Variants in CNTN4 observed in about 807,000 individuals in gnomAD.
CNTN4 encodes the protein contactin-4.
Under a neutral mutation model 122.5 loss-of-function variants are expected in CNTN4, and 77 were observed. The observed-to-expected ratio is 0.63, with a 90% confidence interval of 0.52 to 0.76. The LOEUF (loss-of-function observed/expected upper bound fraction) is 0.76. Ranked by LOEUF, CNTN4 falls within the 30% of genes least tolerant of loss-of-function variation. The probability of loss-of-function intolerance (pLI) is 0.00; values close to 1 mark genes in which losing one functional copy is unlikely to be tolerated. For missense variants in CNTN4, 1,256 were observed against 1,259.1 expected, an observed-to-expected ratio of 1.00 and a Z score of 0.04; for synonymous variants, 512 against 447.0, an observed-to-expected ratio of 1.15 and a Z score of -1.83.
chr3:2,255,550 C>T (rs2040549803), intron 2 of CNTN4, among the ~76,000 whole-genome samples: 1 of 152,122 alleles, frequency 6.6e-6, no homozygotes, highest in Non-Finnish European at 1.5e-5. Flanking sequence ...TAAAACTCTA[C>T]TCAGCAAATG....
chr3:2,601,256 T>G (rs1258436436), intron 4 of CNTN4, among the ~76,000 whole-genome samples: 1 of 152,230 alleles, frequency 6.6e-6, no homozygotes, highest in African/African-American at 2.4e-5. Flanking sequence ...TTTTGGTGTT[T>G]TAGTCATAAA....
At chr3:2,343,112 T>G (rs1226356821) in intron 3 of CNTN4, among the ~76,000 whole-genome samples, 1 of 152,164 alleles carries the variant, frequency 6.6e-6, no homozygotes, top group Admixed American at 6.5e-5. Flanking sequence ...GAAATATATG[T>G]TTTAGGAAGA....
At chr3:2,146,615 G>C (rs1234396953) in intron 2 of CNTN4, among the ~76,000 whole-genome samples, 1 of 151,994 alleles carries the variant, frequency 6.6e-6, no homozygotes, top group East Asian at 1.9e-4. Context: ...TCACAGTATT[G>C]ATTTCATAAC....
At chr3:2,182,334 A>T (rs977901064) in intron 2 of CNTN4, among the ~76,000 whole-genome samples, 2 of 152,076 alleles carry the variant, frequency 1.3e-5, no homozygotes, top group Admixed American at 1.3e-4. Flanking sequence ...ATATCCAAAA[A>T]AAGATTCTCA....
chr3:2,638,003 A>G (rs1283771626), intron 4 of CNTN4, among the ~76,000 whole-genome samples: 1 of 152,198 alleles, frequency 6.6e-6, no homozygotes, highest in African/African-American at 2.4e-5. Flanking sequence ...CTTCATTTAT[A>G]AATTGTACCT....
At chr3:2,242,111 A>G (rs1412496048) in intron 2 of CNTN4, among the ~76,000 whole-genome samples, 2 of 152,214 alleles carry the variant, frequency 1.3e-5, no homozygotes, top group African/African-American at 4.8e-5. Flanking sequence ...TTTAAAATAC[A>G]TTAAATGCAT....
At chr3:2,508,081 A>G (rs1234458109) in intron 3 of CNTN4, among the ~76,000 whole-genome samples, 1 of 152,166 alleles carries the variant, frequency 6.6e-6, no homozygotes, top group Admixed American at 6.5e-5. Context: ...TCTCTGGGTC[A>G]TTGTTATTAG....
intron 3 of CNTN4, among the ~76,000 whole-genome samples, chr3:2,449,396 C>T (rs2048741055): frequency 6.6e-6 from 1 of 152,090 alleles, no homozygotes; most frequent in African/African-American, 2.4e-5. Context: ...GGGTGCGTCA[C>T]CTGAAGTCAG....
intron 24 of CNTN4, among the ~76,000 whole-genome samples, chr3:3,055,352 G>T (rs1422544575): frequency 6.6e-6 from 1 of 152,046 alleles, no homozygotes; most frequent in Non-Finnish European, 1.5e-5. Context: ...ATGATTCCTG[G>T]TTTTATTCAT....
chr3:2,654,497 C>A (rs372682468), intron 4 of CNTN4, among the ~76,000 whole-genome samples: 8 of 151,970 alleles, frequency 5.3e-5, no homozygotes, highest in Admixed American at 5.2e-4. Flanking sequence ...TTTTATATAC[C>A]GTGTTTCTCT....
rs1283324150 is a variant in CNTN4, at chr3:2,973,120, C to G, written c.1359-15225C>G. On this transcript the variant is annotated intron_variant, in intron 13 of 24. Transcript: ENST00000418658. ...ATGGTTTGTCTGAAAAGAATAAAGG[C>G]TCTTCGTTGAAATGAAATCGCTTTC... Among the ~76,000 whole-genome samples, 3 of 152,026 alleles carry G rather than the reference C, an allele frequency of 2.0e-5. No homozygotes were observed. The East Asian group carries it at 5.8e-4, about 29-fold the overall frequency.
chr3:3,034,922 C>A, intron 17 of CNTN4, 132 bp downstream of exon 17: 1 of 973,062 alleles, frequency 1.0e-6, no homozygotes, highest in Non-Finnish European at 1.6e-6. Flanking sequence ...TTTCCTAAAC[C>A]TCGGCCAACT....
intron 14 of CNTN4, among the ~76,000 whole-genome samples, chr3:3,016,754 C>A (rs1345995979): frequency 6.6e-6 from 1 of 152,100 alleles, no homozygotes; most frequent in Non-Finnish European, 1.5e-5. Context: ...TATACTTGGC[C>A]ACCCTCAATT....
intron 3 of CNTN4, among the ~76,000 whole-genome samples, chr3:2,465,414 C>T (rs1053500734): frequency 4.6e-5 from 7 of 152,136 alleles, no homozygotes; most frequent in South Asian, 2.1e-4. Context: ...TGGTGGCTCA[C>T]GCCTGTAATC....
rs550391425 is a variant in CNTN4, at chr3:2,587,774, AT to A, written c.55+16224del. On this transcript the variant is annotated intron_variant, in intron 4 of 24. Transcript: ENST00000418658. ...ATTTTAGAGGAAATCAATATTATGA[AT>A]TTTTTTTCAGTTATTAGAAATTGCT... Among the ~76,000 whole-genome samples the A allele has an allele frequency of 9.2e-5, 14 of 151,716 alleles. No homozygotes were observed. The South Asian group carries it at 2.1e-3, about 23-fold the overall frequency.
intron 2 of CNTN4, among the ~76,000 whole-genome samples, chr3:2,322,261 T>A (rs764137097): frequency 1.4e-4 from 21 of 152,176 alleles, no homozygotes; most frequent in Non-Finnish European, 2.5e-4. Context: ...GCAGCATTAC[T>A]TAAAATAGCC....
chr3:2,333,496 AT>A lies in CNTN4; in HGVS notation c.-144-5680del, dbSNP rs542350495. On this transcript the variant is annotated intron_variant, in intron 2 of 24. Coordinates refer to ENST00000418658, the MANE Select transcript of CNTN4 (RefSeq NM_175607.3). ...ACCCTTGTTATCAAGAGATAATCAT[AT>A]TCTAGTGGTGCTACTTATTGTACCC... Among the ~76,000 whole-genome samples the A allele has an allele frequency of 1.9e-3, 284 of 152,320 alleles. 1 individual carries two copies. Among genetic ancestry groups the A allele is most frequent in the African/African-American group, 6.4e-3 (264 of 41,574 alleles).
chr3:2,552,578 G>A (rs1346985802), intron 3 of CNTN4, among the ~76,000 whole-genome samples: 1 of 152,152 alleles, frequency 6.6e-6, no homozygotes, highest in Non-Finnish European at 1.5e-5. Flanking sequence ...TTGACAAGTA[G>A]CACTGGAAAG....
At chr3:2,292,030 C>T (rs1375210393) in intron 2 of CNTN4, among the ~76,000 whole-genome samples, 2 of 152,200 alleles carry the variant, frequency 1.3e-5, no homozygotes, top group Admixed American at 6.5e-5. Flanking sequence ...GCCACCGCGC[C>T]TGGCGAACTA....
Sources: gnomAD v4.1 joint callset for allele counts (sites outside exome capture counted in the v4.1 genomes callset) on GRCh38, gnomAD v4.1.1 for gene constraint, MANE v1.5 for transcripts, NCBI Gene and HGNC (gene_info 2026-07-23, HGNC 2026-07-21) for gene names.